Variants in NAA35 observed in about 807,000 individuals in gnomAD.
NAA35 encodes N-alpha-acetyltransferase 35, NatC auxiliary subunit.
A neutral mutation model predicts 101.7 loss-of-function variants in NAA35; 18 were observed. The ratio of observed to expected loss-of-function variants is 0.18; its 90% CI spans 0.12 to 0.26. The LOEUF is 0.26. NAA35 is among the 10% of genes least tolerant of loss of function. The probability of loss-of-function intolerance (pLI) is 1.00; values close to 1 mark genes in which losing one functional copy is unlikely to be tolerated. For synonymous variants in NAA35, 267 were observed against 273.1 expected (o/e 0.98, Z 0.22); for missense variants, 601 against 886.8 (o/e 0.68, Z 4.09).
At chr9:85,961,962 T>C in intron 5 of NAA35, 51 bp from the exon 6 acceptor site, 1 of 1,461,518 alleles carries the variant, frequency 6.8e-7, no homozygotes, top group Non-Finnish European at 9.2e-7. Flanking sequence ...AATTTAGACT[T>C]TGCAGACTCA....
At position 85,978,024 on chromosome 9, in the gene NAA35, G is replaced by GA. The variant is rs113621199; in HGVS notation, c.763-233dup. Reference sequence around the variant, plus strand: ...TGATTGCTTCTTTGGTTTTTATTGTGAAAAAAAAAACCAAAAATATTTTCT... The same window carrying GA: ...TGATTGCTTCTTTGGTTTTTATTGTGAAAAAAAAAAACCAAAAATATTTTCT... On this transcript the variant is annotated intron_variant, in intron 10 of 22. Transcript: ENST00000361671. 4.0e-3 allele frequency among the ~76,000 whole-genome samples: 562 copies of GA among 139,978 alleles called. 3 individuals are homozygous for GA. Among genetic ancestry groups the GA allele is most frequent in the Middle Eastern group, 0.019 (5 of 266 alleles). 91.8% of individuals were successfully genotyped at this position (139,978 alleles called of 152,430 possible). A position where few individuals can be genotyped will look rare whatever the true frequency, so the allele number is the denominator to read the frequency against.
At chr9:86,010,329 G>A (rs915834392) in intron 15 of NAA35, among the ~76,000 whole-genome samples, 3 of 151,720 alleles carry the variant, frequency 2.0e-5, no homozygotes. Context: ...AATATTTCTT[G>A]TTTACTTTCA....
At chr9:85,978,166 G>A in intron 10 of NAA35, 101 bp from the exon 11 acceptor site, 1 of 728,106 alleles carries the variant, frequency 1.4e-6, no homozygotes, top group Non-Finnish European at 2.4e-6. Flanking sequence ...TGTCATTACA[G>A]CAAGCATTTA....
chr9:86,016,483 GA>G (rs1832231840), intron 17 of NAA35, 55 bp from the exon 18 acceptor site: 16 of 1,507,844 alleles, frequency 1.1e-5, no homozygotes, highest in Non-Finnish European at 1.3e-5. Context: ...TATATGTGTT[GA>G]TAAAGCTGTC....
At chr9:86,018,678 T>G in intron 20 of NAA35, 21 bp from the exon 21 acceptor site, 1 of 1,599,938 alleles carries the variant, frequency 6.3e-7, no homozygotes, top group East Asian at 2.2e-5. Context: ...TGTTTTGAAT[T>G]ATACTTCCCC....
At chr9:86,002,792 T>C (rs1413343088) in intron 12 of NAA35, among the ~76,000 whole-genome samples, 2 of 152,214 alleles carry the variant, frequency 1.3e-5, no homozygotes, top group Admixed American at 1.3e-4. Flanking sequence ...TGGGTTTTGC[T>C]ATCCTCCTGA....
intron 2 of NAA35, among the ~76,000 whole-genome samples, chr9:85,944,090 A>G (rs998802508): frequency 6.6e-6 from 1 of 152,218 alleles, no homozygotes; most frequent in African/African-American, 2.4e-5. Flanking sequence ...GATGATCAGT[A>G]CAGTGGCTTG....
At chr9:85,974,863 T>C in intron 6 of NAA35, 104 bp from the exon 7 acceptor site, 1 of 789,214 alleles carries the variant, frequency 1.3e-6, no homozygotes, top group South Asian at 1.7e-5. Flanking sequence ...TCTTTGTTTA[T>C]TAAATAGTGA....
intron 11 of NAA35, among the ~76,000 whole-genome samples, chr9:85,982,007 G>C (rs1830457501): frequency 6.6e-6 from 1 of 152,130 alleles, no homozygotes; most frequent in South Asian, 2.1e-4. Flanking sequence ...TTGTAAACTG[G>C]CATTAAGGGA....
At chr9:85,970,555 A>C (rs967054518) in intron 6 of NAA35, among the ~76,000 whole-genome samples, 2 of 152,208 alleles carry the variant, frequency 1.3e-5, no homozygotes, top group Admixed American at 6.5e-5. Flanking sequence ...GTGCTCTAGG[A>C]AGGACACATC....
intron 5 of NAA35, 45 bp downstream of exon 5, chr9:85,959,912 T>A (rs1392950983): frequency 1.4e-6 from 2 of 1,389,888 alleles, no homozygotes; most frequent in Admixed American, 1.9e-5. Flanking sequence ...AAACTGTGAC[T>A]TACCTGAATC....
chr9:85,987,889 C>G (rs193027974), intron 11 of NAA35, among the ~76,000 whole-genome samples: 231 of 152,324 alleles, frequency 1.5e-3, no homozygotes, highest in Non-Finnish European at 2.3e-3. Flanking sequence ...TAGGGATTCT[C>G]TTGGAATAAT....
At chr9:86,018,929 A>C (rs1832378442) in intron 21 of NAA35, 108 bp downstream of exon 21, 3 of 1,376,364 alleles carry the variant, frequency 2.2e-6, no homozygotes, top group Non-Finnish European at 2.9e-6. Context: ...GTGTTAGTGA[A>C]TAGAACTTGG....
At chr9:85,947,097 A>G (rs1828802493) in intron 2 of NAA35, among the ~76,000 whole-genome samples, 1 of 152,168 alleles carries the variant, frequency 6.6e-6, no homozygotes, top group African/African-American at 2.4e-5. Context: ...AAGTTTGAGA[A>G]CCACTGCAGT....
rs1377769188 is a variant in NAA35, at chr9:85,974,147, C to T, written c.517-820C>T. On this transcript the variant is annotated intron_variant, in intron 6 of 22. Transcript: ENST00000361671. Reference sequence around the variant, plus strand: ...AATTTTTTTGTATTTTTAGTATAGACGGGGTTTCACTATGTTGGCCAGGCT... The same window carrying T: ...AATTTTTTTGTATTTTTAGTATAGATGGGGTTTCACTATGTTGGCCAGGCT... 3.3e-5 allele frequency among the ~76,000 whole-genome samples: 5 copies of T among 151,838 alleles called. No homozygotes were observed. The East Asian group carries it at 7.7e-4, about 23-fold the overall frequency.
intron 2 of NAA35, among the ~76,000 whole-genome samples, chr9:85,953,070 G>A (rs1032884542): frequency 4.6e-5 from 7 of 152,112 alleles, no homozygotes; most frequent in South Asian, 2.1e-4. Flanking sequence ...AAAATTAGCC[G>A]GGCATGGTGG....
chr9:85,955,343 TATATATATATATATATA>T (rs1829202488), intron 2 of NAA35, among the ~76,000 whole-genome samples: 4 of 68,866 alleles, frequency 5.8e-5, no homozygotes, highest in Non-Finnish European at 1.2e-4. Flanking sequence ...TATATATATA[TATATATATATATATATA>T]TTTTTTTTTT....
At chr9:86,009,046 C>T (rs1831778477) in intron 14 of NAA35, among the ~76,000 whole-genome samples, 1 of 152,140 alleles carries the variant, frequency 6.6e-6, no homozygotes, top group Admixed American at 6.5e-5. Context: ...CAGTCATCTC[C>T]TTGTTATTTT....
At chr9:85,950,372 A>T (rs1176225536) in intron 2 of NAA35, among the ~76,000 whole-genome samples, 1 of 152,070 alleles carries the variant, frequency 6.6e-6, no homozygotes, top group Non-Finnish European at 1.5e-5. Context: ...CAGCCTCCCA[A>T]GTAGTTGGGA....
Sources: allele counts gnomAD v4.1 joint callset (sites outside exome capture counted in the v4.1 genomes callset), GRCh38; gene constraint gnomAD v4.1.1; transcripts MANE v1.5; gene names NCBI Gene and HGNC (gene_info 2026-07-23, HGNC 2026-07-21).